IGSF11: variants seen among roughly 807,000 people sequenced by gnomAD.
IGSF11 encodes the protein immunoglobulin superfamily member 11, also known as CXADR like 1.
A neutral mutation model predicts 41.0 loss-of-function variants in IGSF11; 22 were observed. The observed-to-expected ratio is 0.54, with a 90% CI of 0.38 to 0.77. The LOEUF (loss-of-function observed/expected upper bound fraction) is 0.77. Among genes scored for constraint, IGSF11 ranks in the 30% least tolerant of loss-of-function variants. The probability of loss-of-function intolerance (pLI) is 0.00; values close to 1 mark genes in which losing one functional copy is unlikely to be tolerated. For synonymous variants in IGSF11, 219 were observed against 201.3 expected (o/e 1.09, Z -0.74); for missense variants, 444 against 530.8 (o/e 0.84, Z 1.61).
chr3:118,984,790 A>C (rs1935092310), intron 1 of IGSF11, among the ~76,000 whole-genome samples: 2 of 152,318 alleles, frequency 1.3e-5, no homozygotes, highest in Non-Finnish European at 2.9e-5. Flanking sequence ...ACGCTGAGAC[A>C]AGAGGAGGGA....
At chr3:118,966,824 C>T (rs1012389031) in intron 1 of IGSF11, among the ~76,000 whole-genome samples, 2 of 152,170 alleles carry the variant, frequency 1.3e-5, no homozygotes, top group Admixed American at 1.3e-4. Context: ...TGAATGTCCA[C>T]GTAGCTTAGC....
At chr3:119,118,208 T>C (rs1006027850) in intron 1 of IGSF11, among the ~76,000 whole-genome samples, 1 of 152,254 alleles carries the variant, frequency 6.6e-6, no homozygotes, top group Admixed American at 6.5e-5. Context: ...ATTTCCCTTC[T>C]GCATTGCCCT....
chr3:119,125,675 C>CA (rs987707049), intron 1 of IGSF11, among the ~76,000 whole-genome samples: 13 of 151,912 alleles, frequency 8.6e-5, no homozygotes, highest in East Asian at 1.9e-4. Context: ...CAGCTCCCAT[C>CA]AAAAAAAATC....
At chr3:119,087,399 CACAT>C (rs1272501848) in intron 1 of IGSF11, among the ~76,000 whole-genome samples, 27 of 146,834 alleles carry the variant, frequency 1.8e-4, no homozygotes, top group African/African-American at 2.3e-4. Context: ...CACACACACA[CACAT>C]ACACACACAC....
At chr3:118,960,749 G>A (rs1218888007) in intron 1 of IGSF11, among the ~76,000 whole-genome samples, 1 of 152,076 alleles carries the variant, frequency 6.6e-6, no homozygotes, top group Admixed American at 6.6e-5. Context: ...ACATAGTAAG[G>A]CTACAAATCT....
chr3:118,962,627 G>A lies in IGSF11; in HGVS notation c.53-32352C>T, dbSNP rs1271592768. On this transcript the variant is annotated intron_variant, in intron 1 of 6. Transcript: ENST00000393775. Reference sequence around the variant, plus strand: ...ACAGACAGGTGAAAACGACCAGTATGTAGCCATAAATAAAGGTAAAGAGCA... The same window carrying A: ...ACAGACAGGTGAAAACGACCAGTATATAGCCATAAATAAAGGTAAAGAGCA... 3.9e-5 allele frequency among the ~76,000 whole-genome samples: 6 copies of A among 152,206 alleles called. No individual in the cohort carries two copies. The East Asian group carries it at 1.2e-3, about 29-fold the overall frequency.
intron 1 of IGSF11, among the ~76,000 whole-genome samples, chr3:119,083,400 G>A (rs1034954553): frequency 6.6e-6 from 1 of 151,988 alleles, no homozygotes; most frequent in Non-Finnish European, 1.5e-5. Flanking sequence ...ACTGCACCTG[G>A]TAAGACTATT....
chr3:118,974,849 C>G lies in IGSF11; in HGVS notation c.53-44574G>C, dbSNP rs1004187556. Among the ~76,000 whole-genome samples the G allele has an allele frequency of 3.3e-5, 5 of 151,936 alleles. 1 individual carries two copies. Among genetic ancestry groups the G allele is most frequent in the East Asian group, 1.9e-4 (1 of 5,172 alleles). ...ACTTTCTTCTTTATCATGAGTTAAT[C>G]TCATTAAAAATATATTTGTCAAAAC... is the stretch of plus-strand genomic sequence containing the variant. On this transcript the variant is annotated intron_variant, in intron 1 of 6. Coordinates refer to ENST00000393775, the MANE Select transcript of IGSF11 (RefSeq NM_001015887.3).
intron 1 of IGSF11, among the ~76,000 whole-genome samples, chr3:119,048,183 G>A (rs369242461): frequency 2.0e-5 from 3 of 152,130 alleles, no homozygotes; most frequent in African/African-American, 4.8e-5. Context: ...CACACAAAAC[G>A]CTTCAAAAAA....
intron 1 of IGSF11, among the ~76,000 whole-genome samples, chr3:119,060,199 G>C (rs1435668): frequency 1.3e-5 from 2 of 152,156 alleles, no homozygotes; most frequent in Admixed American, 1.3e-4. Flanking sequence ...TTGCAACCAA[G>C]AACATTGTCT....
intron 1 of IGSF11, among the ~76,000 whole-genome samples, chr3:119,097,655 T>C (rs2076875973): frequency 6.6e-6 from 1 of 152,182 alleles, no homozygotes; most frequent in Non-Finnish European, 1.5e-5. Flanking sequence ...CCAACTCTTT[T>C]GTTTTATTCC....
At chr3:118,927,669 G>A (rs541139238) in intron 3 of IGSF11, among the ~76,000 whole-genome samples, 1 of 152,270 alleles carries the variant, frequency 6.6e-6, no homozygotes, top group East Asian at 1.9e-4. Flanking sequence ...TGCGGGAGTA[G>A]ATTCTGAGAC....
At chr3:119,144,041 G>C (rs2077685984) in intron 1 of IGSF11, among the ~76,000 whole-genome samples, 1 of 152,122 alleles carries the variant, frequency 6.6e-6, no homozygotes, top group Admixed American at 6.5e-5. Context: ...ATAATAGTTG[G>C]AGATTTTAAT....
intron 1 of IGSF11, among the ~76,000 whole-genome samples, chr3:118,962,358 G>A (rs1358789315): frequency 1.3e-5 from 2 of 151,848 alleles, no homozygotes; most frequent in African/African-American, 2.4e-5. Flanking sequence ...ATGATTATAT[G>A]CATACAGATT....
intron 1 of IGSF11, among the ~76,000 whole-genome samples, chr3:119,071,639 G>T (rs1037668434): frequency 2.0e-5 from 3 of 152,048 alleles, no homozygotes; most frequent in African/African-American, 7.2e-5. Flanking sequence ...CCATATATAT[G>T]AGCATATATA....
chr3:118,936,104 T>C (rs1193362904), intron 1 of IGSF11, among the ~76,000 whole-genome samples: 1 of 152,120 alleles, frequency 6.6e-6, no homozygotes, highest in Non-Finnish European at 1.5e-5. Context: ...GATGCTAAAA[T>C]TTTTTCTATC....
chr3:118,976,812 G>A (rs1576535013), intron 1 of IGSF11, among the ~76,000 whole-genome samples: 1 of 152,172 alleles, frequency 6.6e-6, no homozygotes, highest in African/African-American at 2.4e-5. Flanking sequence ...AAGATAACAG[G>A]AGAGTCCTTC....
intron 1 of IGSF11, among the ~76,000 whole-genome samples, chr3:119,003,901 C>T (rs886169695): frequency 6.7e-6 from 1 of 148,644 alleles, no homozygotes; most frequent in African/African-American, 2.6e-5. Flanking sequence ...CGATATTCAT[C>T]AAGGATATTG....
At chr3:119,023,392 G>A (rs1370760284) in intron 1 of IGSF11, among the ~76,000 whole-genome samples, 3 of 150,268 alleles carry the variant, frequency 2.0e-5, no homozygotes, top group Non-Finnish European at 4.4e-5. Flanking sequence ...AACTATTTTT[G>A]CCTACAAATG....
Sources: gnomAD v4.1 joint callset for allele counts (sites outside exome capture counted in the v4.1 genomes callset) on GRCh38, gnomAD v4.1.1 for gene constraint, MANE v1.5 for transcripts, NCBI Gene and HGNC (gene_info 2026-07-23, HGNC 2026-07-21) for gene names.